The following GLIS3 variants were observed in gnomAD, a reference collection of about 807,000 sequenced individuals.
GLIS3 encodes GLIS family zinc finger 3, also known as zinc finger protein GLIS3.
GLIS3 carries 53 observed loss-of-function variants against 78.6 expected under a neutral mutation model. That is an observed-to-expected ratio of 0.67 (90% confidence interval 0.54 to 0.85). GLIS3 has a LOEUF of 0.85. Ranked by LOEUF, GLIS3 falls within the 40% of genes least tolerant of loss-of-function variation. The pLI, the probability that GLIS3 is intolerant of heterozygous loss-of-function variation, is 0.00. For missense variants in GLIS3, 1,703 were observed against 1,231.1 expected (o/e 1.38, Z -5.74); for synonymous variants, 684 against 509.9 (o/e 1.34, Z -4.60).
At chr9:4,380,972 G>T in the GLIS3 span, among the ~76,000 whole-genome samples, 2 of 152,182 alleles carry the variant, frequency 1.3e-5, no homozygotes, top group Non-Finnish European at 2.9e-5. Flanking sequence ...AAAATTAGAA[G>T]AAAAATGTGG....
chr9:4,136,492 C>A (rs1833417169), intron 2 of GLIS3, among the ~76,000 whole-genome samples: 1 of 152,122 alleles, frequency 6.6e-6, no homozygotes, highest in Non-Finnish European at 1.5e-5. Context: ...TCTTCAGGAG[C>A]CTTTAAAAAT....
At chr9:4,313,706 C>G (rs1256625153) in intron 2 of GLIS3, among the ~76,000 whole-genome samples, 4 of 152,178 alleles carry the variant, frequency 2.6e-5, no homozygotes, top group South Asian at 4.1e-4. Flanking sequence ...TGCTGAGATG[C>G]CCTTCCTGGA....
intron 2 of GLIS3, among the ~76,000 whole-genome samples, chr9:4,253,039 G>A (rs1337925441): frequency 1.3e-5 from 2 of 152,226 alleles, no homozygotes; most frequent in Admixed American, 6.5e-5. Flanking sequence ...CCTGTATGAA[G>A]TCTCTGTCAA....
At chr9:4,035,303 G>A (rs926253219) in intron 4 of GLIS3, among the ~76,000 whole-genome samples, 2 of 151,984 alleles carry the variant, frequency 1.3e-5, no homozygotes, top group South Asian at 4.2e-4. Context: ...TTCAAAACCA[G>A]GTCTAGTTAA....
chr9:4,436,810 C>CAAAAAAAAAAA, the GLIS3 span, among the ~76,000 whole-genome samples: 4 of 53,568 alleles, frequency 7.5e-5, no homozygotes, highest in Non-Finnish European at 9.9e-5. Context: ...GACTGCATCT[C>CAAAAAAAAAAA]AAAAAAAAAA....
At chr9:4,087,697 C>T (rs552411196) in intron 4 of GLIS3, among the ~76,000 whole-genome samples, 1 of 152,094 alleles carries the variant, frequency 6.6e-6, no homozygotes, top group Non-Finnish European at 1.5e-5. Flanking sequence ...AAATTCATAT[C>T]GGTGAAAAAA....
the GLIS3 span, among the ~76,000 whole-genome samples, chr9:4,460,286 C>T: frequency 1.3e-5 from 2 of 152,172 alleles, no homozygotes; most frequent in African/African-American, 4.8e-5. Flanking sequence ...TTGGTTCTAT[C>T]ACTTAATCTT....
intron 4 of GLIS3, among the ~76,000 whole-genome samples, chr9:4,111,719 G>A (rs1399286232): frequency 6.6e-6 from 1 of 152,168 alleles, no homozygotes; most frequent in Non-Finnish European, 1.5e-5. Context: ...ACGTAAAATC[G>A]CTGGGAAAGA....
At chr9:3,855,016 G>A (rs938501597) in intron 9 of GLIS3, among the ~76,000 whole-genome samples, 32 of 152,312 alleles carry the variant, frequency 2.1e-4, no homozygotes, top group African/African-American at 7.7e-4. Context: ...GCAAGAGGCA[G>A]GTAGAGGACA....
intron 6 of GLIS3, among the ~76,000 whole-genome samples, chr9:3,908,882 C>G (rs921729527): frequency 9.9e-5 from 15 of 152,064 alleles, no homozygotes; most frequent in African/African-American, 3.1e-4. Flanking sequence ...GGCCCAGATT[C>G]TTCAATTTTC....
At chr9:4,092,376 T>C (rs972055901) in intron 4 of GLIS3, among the ~76,000 whole-genome samples, 1 of 152,018 alleles carries the variant, frequency 6.6e-6, no homozygotes, top group African/African-American at 2.4e-5. Context: ...ATGGTCTCGA[T>C]CTCCTGAGCT....
chr9:3,945,685 A>G (rs939018974), intron 4 of GLIS3, among the ~76,000 whole-genome samples: 7 of 152,262 alleles, frequency 4.6e-5, no homozygotes, highest in African/African-American at 1.7e-4. Flanking sequence ...GTATTAAAAT[A>G]AAAAAGTCAG....
At chr9:4,468,050 T>A in the GLIS3 span, among the ~76,000 whole-genome samples, 2 of 151,920 alleles carry the variant, frequency 1.3e-5, no homozygotes, top group Non-Finnish European at 2.9e-5. Flanking sequence ...TGATTGAAGA[T>A]CAAATTAATG....
intron 6 of GLIS3, among the ~76,000 whole-genome samples, chr9:3,927,733 CT>C (rs1825348841): frequency 6.6e-6 from 1 of 152,168 alleles, no homozygotes; most frequent in African/African-American, 2.4e-5. Flanking sequence ...ATTCTTACCT[CT>C]TTTTAAATGG....
chr9:4,318,776 A>T (rs971489080), intron 2 of GLIS3, among the ~76,000 whole-genome samples: 2 of 152,214 alleles, frequency 1.3e-5, no homozygotes, highest in African/African-American at 4.8e-5. Context: ...TCTTCAAAAG[A>T]TGCTAAAACT....
intron 2 of GLIS3, among the ~76,000 whole-genome samples, chr9:4,154,066 C>T (rs1479156514): frequency 6.6e-6 from 1 of 152,238 alleles, no homozygotes; most frequent in Non-Finnish European, 1.5e-5. Flanking sequence ...AGAACACCAA[C>T]ACATGGCCTC....
intron 4 of GLIS3, among the ~76,000 whole-genome samples, chr9:4,056,277 A>T (rs1190165678): frequency 6.6e-6 from 1 of 152,252 alleles, no homozygotes; most frequent in African/African-American, 2.4e-5. Context: ...CATGGGAATC[A>T]AACAGTCCTC....
the GLIS3 span, among the ~76,000 whole-genome samples, chr9:4,484,892 A>G: frequency 6.6e-6 from 1 of 152,184 alleles, no homozygotes; most frequent in South Asian, 2.1e-4. Context: ...AGTTGTAGGC[A>G]TAAATTATAA....
At chr9:3,940,603 G>A (rs115309009) in intron 4 of GLIS3, among the ~76,000 whole-genome samples, 120 of 152,178 alleles carry the variant, frequency 7.9e-4, no homozygotes, top group African/African-American at 2.8e-3. Flanking sequence ...GTTTGCCCGA[G>A]GTTCAAAAAC....
Sources: allele counts gnomAD v4.1 joint callset (sites outside exome capture counted in the v4.1 genomes callset), GRCh38; gene constraint gnomAD v4.1.1; transcripts MANE v1.5; gene names NCBI Gene and HGNC (gene_info 2026-07-23, HGNC 2026-07-21).